Variants in GPC6 observed in about 807,000 individuals in gnomAD.
The protein encoded by GPC6 is glypican-6.
GPC6 carries 14 observed loss-of-function variants against 55.2 expected under a neutral mutation model. The ratio of observed to expected loss-of-function variants is 0.25; its 90% CI spans 0.17 to 0.40. The LOEUF (loss-of-function observed/expected upper bound fraction) is 0.40. Ranked by LOEUF, GPC6 falls within the 10% of genes least tolerant of loss-of-function variation. The pLI is 1.00. For missense variants in GPC6, 641 were observed against 708.5 expected (o/e 0.90, Z 1.08); for synonymous variants, 278 against 259.6 (o/e 1.07, Z -0.68).
intron 5 of GPC6, among the ~76,000 whole-genome samples, chr13:94,296,292 T>C (rs1875331301): frequency 6.6e-6 from 1 of 152,204 alleles, no homozygotes; most frequent in South Asian, 2.1e-4. Flanking sequence ...TTTCTGAAGA[T>C]TTGCTTTCAC....
chr13:93,741,514 C>G (rs556342339), intron 2 of GPC6, among the ~76,000 whole-genome samples: 1 of 152,248 alleles, frequency 6.6e-6, no homozygotes, highest in Admixed American at 6.5e-5. Flanking sequence ...TGCTCATGCT[C>G]ATCTCACATA....
At chr13:94,370,909 G>A (rs991196795) in intron 6 of GPC6, among the ~76,000 whole-genome samples, 3 of 152,202 alleles carry the variant, frequency 2.0e-5, no homozygotes, top group African/African-American at 7.2e-5. Context: ...TAATGTTCCA[G>A]ATGTATCAAG....
Position 93,773,561 on chromosome 13 carries a change from T to C in GPC6, c.320-56593T>C, listed in dbSNP as rs558767450. ...CACTCAGTCTTATGGTATGTGACTG[T>C]AGGGGTTCCTGTGTAGTTTTAAGTT... On this transcript the variant is annotated intron_variant, in intron 2 of 8. Transcript: ENST00000377047. Among the ~76,000 whole-genome samples, 4 of 152,284 alleles carry C rather than the reference T, an allele frequency of 2.6e-5. 1 individual carries two copies. The South Asian group carries it at 8.3e-4, about 32-fold the overall frequency.
intron 1 of GPC6, among the ~76,000 whole-genome samples, chr13:93,315,022 A>G (rs566592953): frequency 1.6e-4 from 24 of 152,258 alleles, no homozygotes; most frequent in Non-Finnish European, 3.1e-4. Context: ...AGTTGAAAAC[A>G]GTACATTGTT....
chr13:93,598,123 A>G (rs1877846991), intron 2 of GPC6, among the ~76,000 whole-genome samples: 1 of 152,172 alleles, frequency 6.6e-6, no homozygotes, highest in East Asian at 1.9e-4. Context: ...CAGCCTGGCA[A>G]CAGAGCGAGA....
At chr13:94,087,595 T>C (rs562352098) in intron 4 of GPC6, among the ~76,000 whole-genome samples, 10 of 152,220 alleles carry the variant, frequency 6.6e-5, no homozygotes, top group South Asian at 6.2e-4. Context: ...TAACAGGCTA[T>C]TGATAAAGAT....
At chr13:94,113,358 ACT>A (rs917821055) in intron 4 of GPC6, among the ~76,000 whole-genome samples, 25 of 151,888 alleles carry the variant, frequency 1.6e-4, no homozygotes, top group Admixed American at 1.6e-3. Flanking sequence ...AGTTAATCAT[ACT>A]CTCAGTTCCT....
chr13:93,616,119 C>T (rs1878708026), intron 2 of GPC6, among the ~76,000 whole-genome samples: 1 of 152,000 alleles, frequency 6.6e-6, no homozygotes, highest in Non-Finnish European at 1.5e-5. Flanking sequence ...CCTACTTTCA[C>T]TGTTTGGGGA....
intron 6 of GPC6, among the ~76,000 whole-genome samples, chr13:94,370,942 CCATT>C (rs1879514274): frequency 6.6e-6 from 1 of 152,130 alleles, no homozygotes; most frequent in African/African-American, 2.4e-5. Flanking sequence ...ATGATGCCTG[CCATT>C]ATATTGTTTA....
chr13:93,655,186 A>G (rs996845288), intron 2 of GPC6, among the ~76,000 whole-genome samples: 13 of 152,060 alleles, frequency 8.5e-5, no homozygotes, highest in African/African-American at 3.1e-4. Context: ...TGACTTAGAA[A>G]TCTCATGCAT....
At chr13:94,229,134 T>G (rs1323866822) in intron 4 of GPC6, among the ~76,000 whole-genome samples, 1 of 152,224 alleles carries the variant, frequency 6.6e-6, no homozygotes, top group East Asian at 1.9e-4. Flanking sequence ...ATTATGCTCA[T>G]GAAATGATAT....
intron 1 of GPC6, among the ~76,000 whole-genome samples, chr13:93,506,609 C>T (rs1880723259): frequency 6.6e-6 from 1 of 152,076 alleles, no homozygotes; most frequent in African/African-American, 2.4e-5. Context: ...AAATGGTACC[C>T]TAGAGGTCTT....
intron 6 of GPC6, among the ~76,000 whole-genome samples, chr13:94,381,897 C>G (rs539638929): frequency 6.6e-6 from 1 of 152,160 alleles, no homozygotes; most frequent in Non-Finnish European, 1.5e-5. Context: ...TGCTTACCAC[C>G]CATGTGTGTG....
At chr13:94,354,709 A>ATCCTTT (rs1170270288) in intron 6 of GPC6, among the ~76,000 whole-genome samples, 1 of 152,258 alleles carries the variant, frequency 6.6e-6, no homozygotes, top group African/African-American at 2.4e-5. Flanking sequence ...TGCAGACAGC[A>ATCCTTT]AGATGAATTG....
intron 1 of GPC6, among the ~76,000 whole-genome samples, chr13:93,267,346 T>A (rs971040623): frequency 6.6e-6 from 1 of 152,008 alleles, no homozygotes; most frequent in Non-Finnish European, 1.5e-5. Context: ...TTGGAGCTGC[T>A]ACCTTGATCT....
intron 1 of GPC6, among the ~76,000 whole-genome samples, chr13:93,399,754 G>C (rs968168660): frequency 6.6e-6 from 1 of 152,176 alleles, no homozygotes. Flanking sequence ...GGTGTTTGAT[G>C]GGCTTTGTAC....
chr13:94,380,495 T>G (rs555122015), intron 6 of GPC6, among the ~76,000 whole-genome samples: 20 of 152,364 alleles, frequency 1.3e-4, no homozygotes, highest in African/African-American at 4.6e-4. Flanking sequence ...TTTATACTCT[T>G]CATCTAGCTT....
chr13:93,574,293 T>A (rs1354335908), intron 2 of GPC6, among the ~76,000 whole-genome samples: 1 of 152,078 alleles, frequency 6.6e-6, no homozygotes, highest in Non-Finnish European at 1.5e-5. Flanking sequence ...ATTAATAGCT[T>A]TATAAGAAAA....
At chr13:93,590,464 AATAG>A (rs1432248327) in intron 2 of GPC6, among the ~76,000 whole-genome samples, 1 of 152,286 alleles carries the variant, frequency 6.6e-6, no homozygotes, top group Non-Finnish European at 1.5e-5. Flanking sequence ...ATTGTTTTAA[AATAG>A]ATATTCTAGT....
Sources: gnomAD v4.1 joint callset for allele counts (sites outside exome capture counted in the v4.1 genomes callset) on GRCh38, gnomAD v4.1.1 for gene constraint, MANE v1.5 for transcripts, NCBI Gene and HGNC (gene_info 2026-07-23, HGNC 2026-07-21) for gene names.